The following POFUT1 variants were observed in gnomAD, a reference collection of about 807,000 sequenced individuals.
POFUT1 encodes protein O-fucosyltransferase 1, also known as GDP-fucose protein O-fucosyltransferase 1.
Under a neutral mutation model 42.4 loss-of-function variants are expected in POFUT1, and 16 were observed. The observed-to-expected ratio is 0.38, with a 90% confidence interval of 0.26 to 0.57. POFUT1 has a LOEUF of 0.57. POFUT1 is among the 20% of genes least tolerant of loss of function. The probability of loss-of-function intolerance (pLI) is 0.71; values close to 1 mark genes in which losing one functional copy is unlikely to be tolerated. For synonymous variants in POFUT1, 206 were observed against 205.4 expected, an observed-to-expected ratio of 1.00 and a Z score of -0.03; for missense variants, 470 against 504.6, an observed-to-expected ratio of 0.93 and a Z score of 0.66.
At chr20:32,210,848 G>C (rs778500711) in intron 2 of POFUT1, among the ~76,000 whole-genome samples, 1 of 152,312 alleles carries the variant, frequency 6.6e-6, no homozygotes, top group South Asian at 2.1e-4. Flanking sequence ...TTGATGAATT[G>C]ACTTAATAAT....
Position 32,228,434 on chromosome 20 carries a change from T to A in POFUT1, c.714T>A (p.His238Gln). 6.2e-7 allele frequency: 1 copy of A among 1,614,134 alleles called. No homozygotes were observed. Among genetic ancestry groups the A allele is most frequent in the Non-Finnish European group, 8.5e-7 (1 of 1,179,966 alleles). ...AHLVRPYVGIHLRIGSDWKNA... is the reference protein window; with the variant it reads ...AHLVRPYVGIQLRIGSDWKNA... Reference sequence around the variant, plus strand: ...TTGTCCGGCCCTATGTGGGCATTCATCTGCGCATTGGCTCTGACTGGGTAA... The same window carrying A: ...TTGTCCGGCCCTATGTGGGCATTCAACTGCGCATTGGCTCTGACTGGGTAA... The change falls in exon 5 of 7, where the codon CAT becomes CAA. Residue 238 changes from histidine to glutamine, a missense_variant. His to Gln is a conservative substitution (Grantham distance 24). Transcript: ENST00000375749.
At chr20:32,218,420 TGA>T (rs1232540246) in intron 4 of POFUT1, among the ~76,000 whole-genome samples, 9 of 152,194 alleles carry the variant, frequency 5.9e-5, no homozygotes. Context: ...ATTACAAGCA[TGA>T]GCTGCTGCGC....
chr20:32,226,593 C>T (rs2047416014), intron 4 of POFUT1, among the ~76,000 whole-genome samples: 1 of 152,092 alleles, frequency 6.6e-6, no homozygotes, highest in African/African-American at 2.4e-5. Flanking sequence ...ACCACACCCA[C>T]CTCCCTAAAC....
intron 5 of POFUT1, 125 bp from the exon 6 acceptor site, chr20:32,230,694 C>CAAAAAAAA (rs35523833): frequency 1.3e-6 from 1 of 778,970 alleles, no homozygotes. Context: ...GACTCCGTCT[C>CAAAAAAAA]AAAAAAAAAA....
At chr20:32,208,280 G>A (rs2047305168) in intron 1 of POFUT1, among the ~76,000 whole-genome samples, 1 of 152,206 alleles carries the variant, frequency 6.6e-6, no homozygotes, top group African/African-American at 2.4e-5. Flanking sequence ...CTGAGGCTGG[G>A]AGAGGTTACG....
At chr20:32,216,902 G>A in intron 4 of POFUT1, 181 bp downstream of exon 4, 1 of 1,560,790 alleles carries the variant, frequency 6.4e-7, no homozygotes, top group Non-Finnish European at 8.7e-7. Context: ...GCCTGACACG[G>A]TGGAACATTG....
chr20:32,231,040 C>T lies in POFUT1; in HGVS notation c.957C>T (p.Leu319=), dbSNP rs2047441160. ...ATTCCGAGAGTTATGTGCCTGAGCTCCAACAGCTCTTCAAAGGGAAGGTAT... is the reference window on the plus strand; with the variant it reads ...ATTCCGAGAGTTATGTGCCTGAGCTTCAACAGCTCTTCAAAGGGAAGGTAT... ...ATDSESYVPE[L]QQLFKGKVKV... The change falls in exon 6 of 7, where the codon CTC becomes CTT. Residue 319 remains leucine (L), a synonymous_variant. Transcript: ENST00000375749. 1 of 1,614,024 alleles carries T rather than the reference C, an allele frequency of 6.2e-7. No homozygotes were observed. Among genetic ancestry groups the T allele is most frequent in the African/African-American group, 1.3e-5 (1 of 74,910 alleles).
At chr20:32,224,345 T>G (rs1447045461) in intron 4 of POFUT1, among the ~76,000 whole-genome samples, 2 of 151,260 alleles carry the variant, frequency 1.3e-5, no homozygotes, top group Admixed American at 1.3e-4. Flanking sequence ...TGAACCAAGA[T>G]CACGCCGCTG....
rs1391581730 is a variant in POFUT1, at chr20:32,235,455, C to G, written c.*794C>G. 1.3e-5 allele frequency: 2 copies of G among 152,262 alleles called. No homozygotes were observed. The highest frequency in any genetic ancestry group is 2.9e-5 in the Non-Finnish European group (2 of 68,056). The allele number at this position is 152,262 out of a possible 1,614,324, so 9.4% of individuals were successfully genotyped here. On this transcript the variant is annotated 3_prime_UTR_variant, in exon 7 of 7. Transcript: ENST00000375749. ...CACTGCAAACCTGGCACCATCAGAT[C>G]TCTTCTGATCTCTTGCCCCAGTGGG...
intron 5 of POFUT1, among the ~76,000 whole-genome samples, chr20:32,229,382 A>G (rs1254809052): frequency 6.6e-6 from 1 of 152,252 alleles, no homozygotes; most frequent in East Asian, 1.9e-4. Context: ...ATCTATCGCA[A>G]GAATGTAATC....
intron 1 of POFUT1, among the ~76,000 whole-genome samples, 171 bp downstream of exon 1, chr20:32,208,236 A>G (rs760372093): frequency 3.3e-5 from 5 of 152,184 alleles, no homozygotes; most frequent in Non-Finnish European, 5.9e-5. Flanking sequence ...AGAGGGGCCA[A>G]CGTGTCCAAC....
Position 32,210,463 on chromosome 20 carries a change from C to G in POFUT1, c.246+271C>G, listed in dbSNP as rs548569293. ...AGAGGTTAGGTAACTTGCCCAAGAT[C>G]ACACAGCCTGTGAGTAGGAGAGCTG... is the stretch of plus-strand genomic sequence containing the variant. On this transcript the variant is annotated intron_variant, in intron 2 of 6. Coordinates refer to ENST00000375749, the MANE Select transcript of POFUT1 (RefSeq NM_015352.2). Among the ~76,000 whole-genome samples the G allele has an allele frequency of 2.0e-5, 3 of 152,348 alleles. No individual in the cohort carries two copies. In the South Asian group the frequency reaches 6.2e-4, roughly 32 times the overall value.
intron 4 of POFUT1, 31 bp downstream of exon 4, chr20:32,216,752 A>G: frequency 1.3e-6 from 2 of 1,498,076 alleles, no homozygotes; most frequent in Non-Finnish European, 1.9e-6. Context: ...TTCTGGGTTT[A>G]GGGGAGGCGC....
chr20:32,215,253 C>G lies in POFUT1; in HGVS notation c.247-16C>G. The G allele has an allele frequency of 6.3e-7, 1 of 1,598,086 alleles. No individual in the cohort carries two copies. The highest frequency in any genetic ancestry group is 1.3e-5 in the African/African-American group (1 of 74,742). On this transcript the variant is annotated splice_polypyrimidine_tract_variant and intron_variant, in intron 2 of 6. Transcript: ENST00000375749. Reference sequence around the variant, plus strand: ...GGGGCACTGAGACGGGACCTCTGCTCCTCCTTTTCCTGTAGCTCCATGTGT... The same window carrying G: ...GGGGCACTGAGACGGGACCTCTGCTGCTCCTTTTCCTGTAGCTCCATGTGT...
At chr20:32,226,636 C>T (rs982706835) in intron 4 of POFUT1, among the ~76,000 whole-genome samples, 7 of 152,170 alleles carry the variant, frequency 4.6e-5, no homozygotes, top group Non-Finnish European at 1.0e-4. Flanking sequence ...CTGCCAACTA[C>T]TAATCTCTTC....
chr20:32,227,970 G>GTT (rs2122595682), intron 4 of POFUT1, among the ~76,000 whole-genome samples: 1 of 152,254 alleles, frequency 6.6e-6, no homozygotes, highest in South Asian at 2.1e-4. Flanking sequence ...GGAAGCCAGT[G>GTT]TGACATATAA....
chr20:32,223,283 T>C, intron 4 of POFUT1: 1 of 985,414 alleles, frequency 1.0e-6, no homozygotes, highest in African/African-American at 1.7e-5. Flanking sequence ...CCAGCCAAGA[T>C]CCCTGTTCCC....
At position 32,234,457 on chromosome 20, in the gene POFUT1, GT is replaced by G. The variant is rs761736877; in HGVS notation, c.979-15del. 40 of 1,590,704 alleles carry G rather than the reference GT, an allele frequency of 2.5e-5. No homozygotes were observed. Among genetic ancestry groups the G allele is most frequent in the Non-Finnish European group, 3.4e-5 (40 of 1,167,802 alleles). On this transcript the variant is annotated splice_polypyrimidine_tract_variant and intron_variant, in intron 6 of 6. Transcript: ENST00000375749. ...GTAGCCACCCCAGCTTATATGCTCTGTGCTTCTTCCTGCAGGTGAAGGTGGT... is the reference window on the plus strand; with the variant it reads ...GTAGCCACCCCAGCTTATATGCTCTGGCTTCTTCCTGCAGGTGAAGGTGGT...
chr20:32,228,169 TG>T, intron 4 of POFUT1, 93 bp from the exon 5 acceptor site: 1 of 999,876 alleles, frequency 1.0e-6, no homozygotes, highest in Non-Finnish European at 1.5e-6. Context: ...GCAGGGTCTC[TG>T]GGGCATGGTG....
Sources: allele counts gnomAD v4.1 joint callset (sites outside exome capture counted in the v4.1 genomes callset), GRCh38; gene constraint gnomAD v4.1.1; transcripts MANE v1.5; gene names NCBI Gene and HGNC (gene_info 2026-07-23, HGNC 2026-07-21).